DPF3: variants seen among roughly 807,000 people sequenced by gnomAD.
DPF3 encodes double PHD fingers 3.
DPF3 carries 18 observed loss-of-function variants against 56.8 expected under a neutral mutation model. The observed-to-expected ratio is 0.32, with a 90% confidence interval of 0.22 to 0.47. DPF3 has a LOEUF of 0.47. DPF3 is among the 20% of genes least tolerant of loss of function. DPF3 has a pLI of 1.00. For missense variants in DPF3, 403 were observed against 488.8 expected, an observed-to-expected ratio of 0.82 and a Z score of 1.65; for synonymous variants, 188 against 180.2, an observed-to-expected ratio of 1.04 and a Z score of -0.35.
chr14:72,609,683 A>G lies in DPF3; in HGVS notation c.*9614T>C, dbSNP rs149234774. 9.5e-4 allele frequency among the ~76,000 whole-genome samples: 145 copies of G among 152,348 alleles called. 1 individual carries two copies. Among genetic ancestry groups the G allele is most frequent in the African/African-American group, 3.4e-3 (140 of 41,572 alleles). On this transcript the variant is annotated 3_prime_UTR_variant, in exon 11 of 11. Transcript: ENST00000556509. ...ACACACCTACAGAGACCGCAACCAC[A>G]TCACAGTGAAGGAGGAGGACAGCTA...
intron 1 of DPF3, among the ~76,000 whole-genome samples, chr14:72,783,592 T>C (rs1038936695): frequency 6.6e-6 from 1 of 152,160 alleles, no homozygotes; most frequent in African/African-American, 2.4e-5. Flanking sequence ...CAGTCCACAG[T>C]CCACACTCAA....
intron 3 of DPF3, among the ~76,000 whole-genome samples, chr14:72,752,699 G>A (rs570990462): frequency 2.6e-5 from 4 of 152,220 alleles, no homozygotes; most frequent in African/African-American, 9.6e-5. Context: ...TAGACATAAC[G>A]CCACCAATTC....
intron 8 of DPF3, among the ~76,000 whole-genome samples, chr14:72,658,643 T>C (rs1886121626): frequency 6.6e-6 from 1 of 152,142 alleles, no homozygotes; most frequent in African/African-American, 2.4e-5. Context: ...TGGAGCCATA[T>C]CTTGAATCAT....
intron 7 of DPF3, among the ~76,000 whole-genome samples, chr14:72,688,069 T>C (rs955357307): frequency 4.1e-4 from 62 of 151,476 alleles, no homozygotes; most frequent in African/African-American, 1.4e-3. Flanking sequence ...ATGCCTGTCC[T>C]CCCTAGTCCC....
intron 1 of DPF3, among the ~76,000 whole-genome samples, chr14:72,803,548 G>T (rs2140004862): frequency 6.6e-6 from 1 of 152,322 alleles, no homozygotes; most frequent in African/African-American, 2.4e-5. Context: ...AGCCCAACGT[G>T]TCACCCAGCC....
chr14:72,653,767 C>A (rs1885987367), intron 8 of DPF3, among the ~76,000 whole-genome samples: 1 of 152,194 alleles, frequency 6.6e-6, no homozygotes, highest in Admixed American at 6.5e-5. Flanking sequence ...AATGCATTAC[C>A]ACCCAGCAGG....
intron 1 of DPF3, among the ~76,000 whole-genome samples, chr14:72,801,393 C>T (rs546988178): frequency 3.3e-5 from 5 of 152,164 alleles, no homozygotes; most frequent in African/African-American, 4.8e-5. Flanking sequence ...GACCAGAGTC[C>T]GAGCCAGGAC....
chr14:72,694,393 A>G (rs1472066495), intron 6 of DPF3, among the ~76,000 whole-genome samples: 1 of 152,244 alleles, frequency 6.6e-6, no homozygotes, highest in Non-Finnish European at 1.5e-5. Context: ...ACGTCATACA[A>G]GGAAGCATAA....
chr14:72,865,224 G>A (rs117049452), intron 1 of DPF3, among the ~76,000 whole-genome samples: 3 of 152,314 alleles, frequency 2.0e-5, no homozygotes, highest in Non-Finnish European at 4.4e-5. Context: ...GACTATGGAC[G>A]CTGCAGTGCC....
In DPF3 at chr14:72,611,900, C is replaced by T. The variant is rs1335994648; in HGVS notation, c.*7397G>A. On this transcript the variant is annotated 3_prime_UTR_variant, in exon 11 of 11. Coordinates refer to ENST00000556509, the MANE Select transcript of DPF3 (RefSeq NM_001280542.3). Reference sequence around the variant, plus strand: ...GAAACCTACATATACTTACACCTTCCGTGATGGCGCGATACTTGACCTACA... The same window carrying T: ...GAAACCTACATATACTTACACCTTCTGTGATGGCGCGATACTTGACCTACA... Among the ~76,000 whole-genome samples the T allele has an allele frequency of 2.6e-5, 4 of 152,104 alleles. No homozygotes were observed. Among genetic ancestry groups the T allele is most frequent in the Non-Finnish European group, 4.4e-5 (3 of 68,044 alleles).
rs1887767095 is a variant in DPF3, at chr14:72,693,178, T to C, written c.640A>G (p.Ser214Gly). The change falls in exon 7 of 11, where the codon AGC becomes GGC. Residue 214 changes from serine (S) to glycine (G), a missense_variant. Transcript: ENST00000556509. ...GKRYKNRPGL[S>G]YHYAHTHLAS... ...AGGTGAGTGTGAGCATAGTGGTAGC[T>C]GAGCCCCGGTCGGTTCTTGTAGCGC... is the stretch of plus-strand genomic sequence containing the variant. The C allele has an allele frequency of 6.2e-7, 1 of 1,613,936 alleles. No homozygotes were observed. The highest frequency in any genetic ancestry group is 1.3e-5 in the African/African-American group (1 of 75,008).
intron 2 of DPF3, among the ~76,000 whole-genome samples, chr14:72,754,458 C>A (rs891361097): frequency 2.0e-5 from 3 of 152,192 alleles, no homozygotes; most frequent in Non-Finnish European, 1.5e-5. Context: ...AGAGCAGAAC[C>A]AAACTAAATA....
At chr14:72,674,587 C>T (rs1296359567) in intron 7 of DPF3, among the ~76,000 whole-genome samples, 1 of 152,140 alleles carries the variant, frequency 6.6e-6, no homozygotes, top group African/African-American at 2.4e-5. Flanking sequence ...TTAGAGTATT[C>T]CCCAGCTCTG....
rs1181269392 is a variant in DPF3 at position 72,617,494 on chromosome 14, T to C, written c.*1803A>G. On this transcript the variant is annotated 3_prime_UTR_variant, in exon 11 of 11. Transcript: ENST00000556509. ...GACCAGCAGGCGGAAGGAAATTACT[T>C]ATGAGGAAGATGAAAATTCCATCCG... is the stretch of plus-strand genomic sequence containing the variant. Among the ~76,000 whole-genome samples the C allele has an allele frequency of 6.6e-6, 1 of 152,048 alleles. No individual in the cohort carries two copies. The highest frequency in any genetic ancestry group is 1.5e-5 in the Non-Finnish European group (1 of 67,994).
At chr14:72,767,760 C>A (rs987639048) in intron 2 of DPF3, among the ~76,000 whole-genome samples, 942 of 72,386 alleles carry the variant, frequency 0.013, no homozygotes, top group Non-Finnish European at 0.015. Flanking sequence ...CCAAATTTGG[C>A]AAAAAAAAAA....
chr14:72,742,081 G>T (rs1021614730), intron 3 of DPF3, among the ~76,000 whole-genome samples: 1 of 152,240 alleles, frequency 6.6e-6, no homozygotes, highest in Non-Finnish European at 1.5e-5. Flanking sequence ...AAAAGGAGCA[G>T]GTCCCTTCCA....
intron 5 of DPF3, among the ~76,000 whole-genome samples, chr14:72,723,022 C>T (rs1019752635): frequency 2.0e-5 from 3 of 150,692 alleles, no homozygotes; most frequent in Non-Finnish European, 4.4e-5. Flanking sequence ...TTTTTATAGT[C>T]ATGATTATGG....
rs898129034 is a variant in DPF3, at chr14:72,612,743, A to G, written c.*6554T>C. The G allele has an allele frequency of 2.5e-6, 1 of 393,352 alleles. No homozygotes were observed. The highest frequency in any genetic ancestry group is 1.9e-5 in the South Asian group (1 of 53,168). 24.4% of individuals were successfully genotyped at this position (393,352 alleles called of 1,614,324 possible). On this transcript the variant is annotated 3_prime_UTR_variant, in exon 11 of 11. Transcript: ENST00000556509. Reference sequence around the variant, plus strand: ...AGAATTGAGACTTTTGAAGTACCCAACTATTGCCAAATATCTTTCATGAAA... The same window carrying G: ...AGAATTGAGACTTTTGAAGTACCCAGCTATTGCCAAATATCTTTCATGAAA...
At chr14:72,631,968 C>T (rs1347012059) in intron 8 of DPF3, among the ~76,000 whole-genome samples, 1 of 152,146 alleles carries the variant, frequency 6.6e-6, no homozygotes, top group Non-Finnish European at 1.5e-5. Flanking sequence ...GTAAGGGGAA[C>T]AGCATGGGTG....
Sources: gnomAD v4.1 joint callset for allele counts (sites outside exome capture counted in the v4.1 genomes callset) on GRCh38, gnomAD v4.1.1 for gene constraint, MANE v1.5 for transcripts, NCBI Gene and HGNC (gene_info 2026-07-23, HGNC 2026-07-21) for gene names.